The following NLGN3 variants were observed in gnomAD, a reference collection of about 807,000 sequenced individuals.
The protein encoded by NLGN3 is neuroligin 3.
NLGN3 carries 11 observed loss-of-function variants against 42.9 expected under a neutral mutation model. That is an observed-to-expected ratio of 0.26 (90% CI 0.16 to 0.42). NLGN3 has a LOEUF of 0.42. NLGN3 is among the 10% of genes least tolerant of loss of function. The probability of loss-of-function intolerance (pLI) is 1.00; values close to 1 mark genes in which losing one functional copy is unlikely to be tolerated. For synonymous variants in NLGN3, 279 were observed against 312.7 expected (o/e 0.89, Z 1.14); for missense variants, 374 against 733.8 (o/e 0.51, Z 5.67).
chrX:71,168,502 AG>A (rs1393711870), intron 7 of NLGN3, among the ~76,000 whole-genome samples: 1 of 110,591 alleles, frequency 9.0e-6, no homozygotes, highest in Non-Finnish European at 1.9e-5. Flanking sequence ...AGGCCAAGGC[AG>A]GTGGATTGCC....
chrX:71,149,730 A>G (rs1409591979), intron 3 of NLGN3, among the ~76,000 whole-genome samples: 1 of 111,191 alleles, frequency 9.0e-6, no homozygotes, highest in Non-Finnish European at 1.9e-5. Flanking sequence ...GGTCTGTGGC[A>G]GAGCTGGGAC....
downstream of NLGN3, chrX:71,171,527 GCCTCCTCCTCCTCTTACTTCT>G (rs1371881006): frequency 3.7e-5 from 6 of 164,219 alleles, no homozygotes; most frequent in East Asian, 7.9e-4. Flanking sequence ...CACCGCTGCG[GCCTCCTCCTCCTCTTACTTCT>G]CCTCCTCCTC....
At chrX:71,158,162 C>T (rs1490624332) in intron 5 of NLGN3, among the ~76,000 whole-genome samples, 1 of 110,309 alleles carries the variant, frequency 9.1e-6, no homozygotes, top group African/African-American at 3.3e-5. Context: ...ATCGCAGCCT[C>T]GACCTCCCAG....
chrX:71,163,818 A>G (rs12007716), intron 5 of NLGN3, among the ~76,000 whole-genome samples: 1,703 of 111,736 alleles, frequency 0.015, 27 homozygotes, highest in African/African-American at 0.052. Flanking sequence ...AAGGTCCCCA[A>G]TAGTACATCA....
chrX:71,164,772 C>T (rs2092441450), intron 6 of NLGN3, among the ~76,000 whole-genome samples: 1 of 111,436 alleles, frequency 9.0e-6, no homozygotes, highest in African/African-American at 3.3e-5. Flanking sequence ...GGGGAAACAT[C>T]CTAGAGGGGG....
chrX:71,152,781 G>A (rs2092395745), intron 3 of NLGN3, among the ~76,000 whole-genome samples: 1 of 109,550 alleles, frequency 9.1e-6, no homozygotes, highest in Non-Finnish European at 1.9e-5. Flanking sequence ...TCCCTCTCTG[G>A]CTCTCTCTAC....
chrX:71,171,607 G>A, downstream of NLGN3: 1 of 701,530 alleles, frequency 1.4e-6, no homozygotes. Context: ...GCTGGGAGGA[G>A]GTTTGACCTC....
At chrX:71,159,955 C>T (rs761125001) in intron 5 of NLGN3, among the ~76,000 whole-genome samples, 31 of 93,609 alleles carry the variant, frequency 3.3e-4, no homozygotes, top group African/African-American at 1.2e-3. Context: ...AGGCTGGTCT[C>T]GAACTCCCGA....
At chrX:71,146,305 A>G (rs1348797848) in intron 1 of NLGN3, among the ~76,000 whole-genome samples, 1 of 102,768 alleles carries the variant, frequency 9.7e-6, no homozygotes, top group African/African-American at 3.6e-5. Flanking sequence ...TTAAAGGAGC[A>G]GGCCTGCAAT....
At chrX:71,145,846 G>A (rs2092364486) in intron 1 of NLGN3, among the ~76,000 whole-genome samples, 1 of 102,765 alleles carries the variant, frequency 9.7e-6, no homozygotes, top group African/African-American at 3.6e-5. Context: ...GTGAATGAGC[G>A]GTCTGTGCCC....
chrX:71,173,564 C>T (rs2092474376), downstream of NLGN3, among the ~76,000 whole-genome samples: 1 of 112,618 alleles, frequency 8.9e-6, no homozygotes, highest in African/African-American at 3.2e-5. Flanking sequence ...GGTCAGTCCA[C>T]ATCCCTAGAT....
rs1227171429 is a variant in NLGN3, at chrX:71,170,364, A to G, written c.*267A>G. 1.4e-5 allele frequency: 14 copies of G among 1,005,573 alleles called. No homozygotes were observed. Among genetic ancestry groups the G allele is most frequent in the African/African-American group, 3.9e-5 (2 of 50,991 alleles). The allele number at this position is 1,005,573 out of a possible 1,213,427, so 82.9% of individuals were successfully genotyped here. A position where few individuals can be genotyped will look rare whatever the true frequency, so the allele number is the denominator to read the frequency against. The stretch of plus-strand genomic sequence containing the variant: ...TGAGTCCTCGGTAAACCGAGGACCC[A>G]TGAAACAGCAGCTGAAGCCAGCTCC... On this transcript the variant is annotated 3_prime_UTR_variant, in exon 8 of 8. Coordinates refer to ENST00000358741, the MANE Select transcript of NLGN3 (RefSeq NM_181303.2).
rs758756345 is a variant in NLGN3, at chrX:71,169,760, G to A, written c.2210G>A (p.Arg737His). 7 of 1,209,798 alleles carry A rather than the reference G, an allele frequency of 5.8e-6. No individual in the cohort carries two copies. The highest frequency in any genetic ancestry group is 2.2e-5 in the Admixed American group (1 of 45,856). The change falls in exon 8 of 8, where the codon CGC becomes CAC. Residue 737 changes from arginine to histidine, a missense_variant. Physicochemically the swap from Arg to His is conservative, Grantham distance 29. Around this residue, in one of 6 missense-constraint regions of NLGN3, gnomAD observed 92 missense variants for 108.0 expected, o/e 0.85. Transcript: ENST00000358741. ...CTCTACTACCGTAAGGACAAACGGCGCCAGGAGCCCCTGCGGCAGCCTAGC... is the reference window on the plus strand; with the variant it reads ...CTCTACTACCGTAAGGACAAACGGCACCAGGAGCCCCTGCGGCAGCCTAGC... ...AALYYRKDKR[R>H]QEPLRQPSPQ...
At chrX:71,154,236 G>A (rs768464021) in intron 4 of NLGN3, among the ~76,000 whole-genome samples, 4 of 113,364 alleles carry the variant, frequency 3.5e-5, no homozygotes, top group African/African-American at 6.4e-5. Context: ...TGTTTGCTCC[G>A]CAGCAGAGAG....
chrX:71,158,205 G>C (rs1390695622), intron 5 of NLGN3, among the ~76,000 whole-genome samples: 1 of 110,256 alleles, frequency 9.1e-6, no homozygotes, highest in African/African-American at 3.3e-5. Flanking sequence ...AGCCTCCCGA[G>C]CAGCTGGGAT....
At chrX:71,158,639 AGAGG>A (rs1010952094) in intron 5 of NLGN3, among the ~76,000 whole-genome samples, 5 of 111,662 alleles carry the variant, frequency 4.5e-5, no homozygotes, top group African/African-American at 1.3e-4. Context: ...AGCATGGAAA[AGAGG>A]GAGAGAAAGA....
chrX:71,147,262 C>A (rs2092374098), intron 1 of NLGN3, among the ~76,000 whole-genome samples: 1 of 111,820 alleles, frequency 8.9e-6, no homozygotes, highest in African/African-American at 3.3e-5. Flanking sequence ...TGGCTCCAGC[C>A]GACCCTGATG....
downstream of NLGN3, chrX:71,171,666 C>T (rs1172939706): frequency 2.1e-5 from 16 of 748,955 alleles, no homozygotes; most frequent in South Asian, 2.1e-4. Context: ...CAGCGTCAGA[C>T]GTGGACTCCC....
At position 71,164,333 on chromosome X, in the gene NLGN3, G is replaced by A; in HGVS notation, c.913+5G>A. On this transcript the variant is annotated splice_donor_5th_base_variant and intron_variant, in intron 6 of 7. Coordinates refer to ENST00000358741, the MANE Select transcript of NLGN3 (RefSeq NM_181303.2). ...CGTTGTCACATCACTCAGAGGGTGA[G>A]TAACTCGTGGGGCAAAACATGAACT... is the stretch of plus-strand genomic sequence containing the variant. The A allele has an allele frequency of 8.3e-7, 1 of 1,209,439 alleles. No homozygotes were observed. Among genetic ancestry groups the A allele is most frequent in the Non-Finnish European group, 1.1e-6 (1 of 894,361 alleles).
Sources: allele counts gnomAD v4.1 joint callset (sites outside exome capture counted in the v4.1 genomes callset), GRCh38; gene constraint gnomAD v4.1.1; regional missense constraint gnomAD v4.1.1; transcripts MANE v1.5; gene names NCBI Gene and HGNC (gene_info 2026-07-23, HGNC 2026-07-21).